USP15: variants seen among roughly 807,000 people sequenced by gnomAD.
USP15 encodes ubiquitin carboxyl-terminal hydrolase 15.
USP15 carries 18 observed loss-of-function variants against 127.1 expected under a neutral mutation model. That is an observed-to-expected ratio of 0.14 (90% CI 0.10 to 0.21). The LOEUF (loss-of-function observed/expected upper bound fraction) is 0.21, where lower values mean the gene tolerates loss of function less well. Among genes scored for constraint, USP15 ranks in the 10% least tolerant of loss-of-function variants. The pLI, the probability that USP15 is intolerant of heterozygous loss-of-function variation, is 1.00. For missense variants in USP15, 805 were observed against 1,159.9 expected, an observed-to-expected ratio of 0.69 and a Z score of 4.44; for synonymous variants, 364 against 393.7, an observed-to-expected ratio of 0.92 and a Z score of 0.89.
At chr12:62,287,177 G>A (rs2063812408) in intron 1 of USP15, among the ~76,000 whole-genome samples, 1 of 151,930 alleles carries the variant, frequency 6.6e-6, no homozygotes, top group Non-Finnish European at 1.5e-5. Flanking sequence ...AAGAGAAGAG[G>A]GAGAGAGGGG....
intron 1 of USP15, among the ~76,000 whole-genome samples, chr12:62,287,437 A>G (rs2063820432): frequency 6.6e-5 from 10 of 152,132 alleles, no homozygotes; most frequent in Admixed American, 6.6e-4. Flanking sequence ...GTTGTCATTG[A>G]GTAGTTTGAG....
At chr12:62,305,606 C>A (rs2064460023) in intron 3 of USP15, 1 of 152,206 alleles carries the variant, frequency 6.6e-6, no homozygotes, top group South Asian at 2.1e-4. Context: ...TGTAGACTGA[C>A]AAAATGTAAA....
At chr12:62,332,577 G>T (rs2065336923) in intron 6 of USP15, among the ~76,000 whole-genome samples, 1 of 151,990 alleles carries the variant, frequency 6.6e-6, no homozygotes, top group South Asian at 2.1e-4. Context: ...CATTTTCATT[G>T]ATTAGTCAAA....
At chr12:62,350,655 CA>C (rs1174046926) in intron 7 of USP15, among the ~76,000 whole-genome samples, 1 of 152,098 alleles carries the variant, frequency 6.6e-6, no homozygotes, top group Non-Finnish European at 1.5e-5. Flanking sequence ...GGTAGGATCT[CA>C]CCCTGTCACC....
intron 8 of USP15, among the ~76,000 whole-genome samples, chr12:62,377,901 T>C (rs1230284013): frequency 1.3e-5 from 2 of 152,078 alleles, no homozygotes; most frequent in African/African-American, 4.8e-5. Flanking sequence ...GTCTTTATGC[T>C]ATTTTAAGAA....
intron 3 of USP15, among the ~76,000 whole-genome samples, chr12:62,308,090 G>A (rs978716820): frequency 1.3e-5 from 2 of 152,060 alleles, no homozygotes; most frequent in African/African-American, 2.4e-5. Context: ...AGGGATTAGT[G>A]TGCTATTTGT....
intron 6 of USP15, among the ~76,000 whole-genome samples, chr12:62,339,697 G>A (rs1035721985): frequency 1.3e-5 from 2 of 152,142 alleles, no homozygotes; most frequent in African/African-American, 2.4e-5. Context: ...TTATTGATTT[G>A]CATATGTTGA....
rs1285651759 is a variant in USP15, at chr12:62,391,367, T to G, written c.2171T>G (p.Ile724Ser). 6 of 1,612,888 alleles carry G rather than the reference T, an allele frequency of 3.7e-6. No homozygotes were observed. The highest frequency in any genetic ancestry group is 5.1e-6 in the Non-Finnish European group (6 of 1,179,520). ...FQFNNLGNTD[I>S]NYIKDDTRHI... ...TTCAACAACTTAGGCAATACTGATA[T>G]CAACTACATCAAAGATGATACCAGG... The change falls in exon 16 of 22, where the codon ATC becomes AGC. Residue 724 changes from isoleucine (I) to serine (S), a missense_variant. By Grantham distance (142) the Ile-to-Ser change is moderately radical. Coordinates refer to ENST00000280377, the MANE Select transcript of USP15 (RefSeq NM_001252078.2).
At chr12:62,376,154 C>A (rs1226165323) in intron 8 of USP15, among the ~76,000 whole-genome samples, 1 of 145,298 alleles carries the variant, frequency 6.9e-6, no homozygotes, top group Non-Finnish European at 1.5e-5. Context: ...CTTAAATTTT[C>A]AAATGCTGTT....
Position 62,415,337 on chromosome 12 carries a change from A to G in USP15, c.*10962A>G, listed in dbSNP as rs934489673. On this transcript the variant is annotated 3_prime_UTR_variant, in exon 22 of 22. Coordinates refer to ENST00000280377, the MANE Select transcript of USP15 (RefSeq NM_001252078.2). ...CCTTCAATTCATGAGAGCCACCAAC[A>G]TTAGAGAGGGCAATCTGCCTTACTC... The G allele has an allele frequency of 3.9e-5, 6 of 152,234 alleles. No homozygotes were observed. Among genetic ancestry groups the G allele is most frequent in the African/African-American group, 1.4e-4 (6 of 41,454 alleles). The allele number at this position is 152,234 out of a possible 1,614,324, so 9.4% of individuals were successfully genotyped here. A position where few individuals can be genotyped will look rare whatever the true frequency, so the allele number is the denominator to read the frequency against.
intron 1 of USP15, among the ~76,000 whole-genome samples, chr12:62,282,832 T>C (rs945969538): frequency 1.3e-5 from 2 of 152,196 alleles, no homozygotes; most frequent in African/African-American, 4.8e-5. Flanking sequence ...CTGTAAAGGA[T>C]TTATTAAGTA....
intron 8 of USP15, among the ~76,000 whole-genome samples, chr12:62,374,040 A>C (rs1463273212): frequency 6.6e-6 from 1 of 152,018 alleles, no homozygotes; most frequent in Non-Finnish European, 1.5e-5. Flanking sequence ...GTACCTTTTC[A>C]GAATGCTTAT....
chr12:62,366,533 A>G (rs1044221158), intron 8 of USP15, among the ~76,000 whole-genome samples: 1 of 152,086 alleles, frequency 6.6e-6, no homozygotes, highest in East Asian at 1.9e-4. Flanking sequence ...CTGTTTGAAT[A>G]CCCTTTATTT....
chr12:62,311,447 G>A (rs1429075955), intron 3 of USP15, among the ~76,000 whole-genome samples: 1 of 151,696 alleles, frequency 6.6e-6, no homozygotes, highest in Non-Finnish European at 1.5e-5. Flanking sequence ...AAACTTTGCT[G>A]ATTTAGGCAT....
At chr12:62,286,385 A>G (rs2137116246) in intron 1 of USP15, among the ~76,000 whole-genome samples, 1 of 152,342 alleles carries the variant, frequency 6.6e-6, no homozygotes, top group Admixed American at 6.5e-5. Flanking sequence ...GATTTTAGCA[A>G]GATTGCAGAG....
intron 8 of USP15, among the ~76,000 whole-genome samples, chr12:62,370,286 T>C (rs2066621192): frequency 6.6e-6 from 1 of 152,190 alleles, no homozygotes; most frequent in Non-Finnish European, 1.5e-5. Context: ...TCAGCGTATA[T>C]ACATAGTCAA....
At chr12:62,395,939 G>A (rs918758107) in intron 19 of USP15, among the ~76,000 whole-genome samples, 3 of 151,798 alleles carry the variant, frequency 2.0e-5, no homozygotes, top group Non-Finnish European at 4.4e-5. Context: ...ACATAGTTTC[G>A]TCAAATCAAC....
At chr12:62,263,825 G>A (rs562767342) in intron 1 of USP15, among the ~76,000 whole-genome samples, 32 of 152,246 alleles carry the variant, frequency 2.1e-4, no homozygotes, top group African/African-American at 7.7e-4. Flanking sequence ...AACTAGAATT[G>A]TATCGCTTAG....
At position 62,416,131 on chromosome 12, in the gene USP15, C is replaced by A. The variant is rs2068148916; in HGVS notation, c.*11756C>A. Reference sequence around the variant, plus strand: ...TCATACTACTTGACAATGGGGCTTTCCCACATTTGTCCCACATTTGCATGG... The same window carrying A: ...TCATACTACTTGACAATGGGGCTTTACCACATTTGTCCCACATTTGCATGG... On this transcript the variant is annotated 3_prime_UTR_variant, in exon 22 of 22. Transcript: ENST00000280377. 6.6e-6 allele frequency: 1 copy of A among 152,186 alleles called. No homozygotes were observed. The highest frequency in any genetic ancestry group is 1.5e-5 in the Non-Finnish European group (1 of 68,040). The allele number at this position is 152,186 out of a possible 1,614,324, so 9.4% of individuals were successfully genotyped here.
Sources: gnomAD v4.1 joint callset for allele counts (sites outside exome capture counted in the v4.1 genomes callset) on GRCh38, gnomAD v4.1.1 for gene constraint, MANE v1.5 for transcripts, NCBI Gene and HGNC (gene_info 2026-07-23, HGNC 2026-07-21) for gene names.